The following CACNA2D3 variants were observed in gnomAD, a reference collection of about 807,000 sequenced individuals.
The protein encoded by CACNA2D3 is calcium voltage-gated channel auxiliary subunit alpha2delta 3.
A neutral mutation model predicts 160.6 loss-of-function variants in CACNA2D3; 60 were observed. That is an observed-to-expected ratio of 0.37 (90% CI 0.30 to 0.46). CACNA2D3 has a LOEUF of 0.46. CACNA2D3 is among the 20% of genes least tolerant of loss of function. The pLI, the probability that CACNA2D3 is intolerant of heterozygous loss-of-function variation, is 1.00. For missense variants in CACNA2D3, 1,205 were observed against 1,365.0 expected (o/e 0.88, Z 1.85); for synonymous variants, 558 against 492.9 (o/e 1.13, Z -1.75).
intron 18 of CACNA2D3, among the ~76,000 whole-genome samples, chr3:54,873,473 C>T (rs1196488730): frequency 6.6e-6 from 1 of 152,126 alleles, no homozygotes; most frequent in Non-Finnish European, 1.5e-5. Context: ...TGACTCAGCT[C>T]ACTCCAGTCA....
At chr3:54,243,666 C>T (rs1327024223) in intron 2 of CACNA2D3, among the ~76,000 whole-genome samples, 1 of 152,128 alleles carries the variant, frequency 6.6e-6, no homozygotes, top group African/African-American at 2.4e-5. Flanking sequence ...CAAAATGTCC[C>T]CTCCCTGCTA....
chr3:54,946,482 A>AAAGGAGGGGGGATGTGAGGG (rs1701617475), intron 27 of CACNA2D3, among the ~76,000 whole-genome samples: 1 of 152,184 alleles, frequency 6.6e-6, no homozygotes, highest in African/African-American at 2.4e-5. Context: ...GAAGAAAATG[A>AAAGGAGGGGGGATGTGAGGG]AAGGAGGGGG....
rs140928264 is a variant in CACNA2D3 at position 54,211,326 on chromosome 3, G to GTTGT, written c.204+87734_204+87737dup. On this transcript the variant is annotated intron_variant, in intron 2 of 37. Transcript: ENST00000474759. ...TGCACAGTAGGACATTGTGTGAATG[G>GTTGT]TTGTTATAATTTTAACCAGGTCCCT... Among the ~76,000 whole-genome samples the GTTGT allele has an allele frequency of 3.3e-3, 505 of 152,256 alleles. 3 individuals carry two copies. The highest frequency in any genetic ancestry group is 0.011 in the African/African-American group (457 of 41,530).
At chr3:54,763,699 ATATATG>A in intron 12 of CACNA2D3, among the ~76,000 whole-genome samples, 1 of 138,924 alleles carries the variant, frequency 7.2e-6, no homozygotes, top group Non-Finnish European at 1.6e-5. Context: ...GTATATATGT[ATATATG>A]TATATATATG....
chr3:54,307,758 T>C (rs1703646453), intron 2 of CACNA2D3, among the ~76,000 whole-genome samples: 1 of 152,232 alleles, frequency 6.6e-6, no homozygotes, highest in Admixed American at 6.5e-5. Flanking sequence ...GTTAGGGATC[T>C]TGCAGACTCA....
chr3:54,502,538 C>T (rs1239802443), intron 4 of CACNA2D3, among the ~76,000 whole-genome samples: 1 of 152,166 alleles, frequency 6.6e-6, no homozygotes. Context: ...CCGCTTTTTC[C>T]ATTAGCCTCT....
At chr3:54,482,690 T>C (rs142405883) in intron 4 of CACNA2D3, among the ~76,000 whole-genome samples, 1 of 152,302 alleles carries the variant, frequency 6.6e-6, no homozygotes, top group East Asian at 1.9e-4. Flanking sequence ...CATTGAAGTT[T>C]ATTTCTTGCT....
rs147524128 is a variant in CACNA2D3, at chr3:54,257,229, G to T, written c.205-63213G>T. ...TACTCTTATTGATGGATTGTTTTACGATGGTAGCCATCAGAGCAGTCCGTC... is the reference window on the plus strand; with the variant it reads ...TACTCTTATTGATGGATTGTTTTACTATGGTAGCCATCAGAGCAGTCCGTC... On this transcript the variant is annotated intron_variant, in intron 2 of 37. Transcript: ENST00000474759. 8.6e-3 allele frequency among the ~76,000 whole-genome samples: 1,312 copies of T among 152,226 alleles called. 15 individuals carry two copies. The highest frequency in any genetic ancestry group is 0.029 in the African/African-American group (1,200 of 41,554).
At chr3:54,362,411 G>A (rs1698758189) in intron 3 of CACNA2D3, among the ~76,000 whole-genome samples, 2 of 152,146 alleles carry the variant, frequency 1.3e-5, no homozygotes, top group South Asian at 4.1e-4. Context: ...GTGTGGCAGG[G>A]AATCAATGGC....
chr3:54,590,263 A>G (rs765536019), intron 9 of CACNA2D3, among the ~76,000 whole-genome samples: 2 of 152,200 alleles, frequency 1.3e-5, no homozygotes, highest in Non-Finnish European at 2.9e-5. Flanking sequence ...TACATCCAAG[A>G]ATGTAAATGA....
At chr3:54,292,150 C>G (rs1183436991) in intron 2 of CACNA2D3, among the ~76,000 whole-genome samples, 1 of 151,948 alleles carries the variant, frequency 6.6e-6, no homozygotes, top group East Asian at 1.9e-4. Context: ...CTACCTCATA[C>G]CATACACAAA....
At chr3:54,792,813 C>G (rs933794952) in intron 13 of CACNA2D3, among the ~76,000 whole-genome samples, 1 of 152,028 alleles carries the variant, frequency 6.6e-6, no homozygotes, top group African/African-American at 2.4e-5. Context: ...AGGCAGGAGT[C>G]GCGTGTCTAC....
chr3:54,390,889 G>T (rs1699267501), intron 4 of CACNA2D3, among the ~76,000 whole-genome samples: 1 of 151,956 alleles, frequency 6.6e-6, no homozygotes, highest in Non-Finnish European at 1.5e-5. Flanking sequence ...GCAGATAATT[G>T]TTTTTATCAA....
At chr3:54,821,684 C>CTT (rs1703601713) in intron 14 of CACNA2D3, among the ~76,000 whole-genome samples, 1 of 131,146 alleles carries the variant, frequency 7.6e-6, no homozygotes, top group Non-Finnish European at 1.6e-5. Context: ...TTCTTTCTTT[C>CTT]TTTCTTTCTT....
chr3:54,748,829 T>C (rs1701806255), intron 11 of CACNA2D3, among the ~76,000 whole-genome samples: 1 of 152,170 alleles, frequency 6.6e-6, no homozygotes, highest in African/African-American at 2.4e-5. Flanking sequence ...TACGTGGTGC[T>C]TCCTAGGGAA....
intron 29 of CACNA2D3, among the ~76,000 whole-genome samples, chr3:54,977,687 G>C (rs1702421681): frequency 6.6e-6 from 1 of 152,152 alleles, no homozygotes; most frequent in South Asian, 2.1e-4. Context: ...CTCAACAGAG[G>C]TTAGCCGCCC....
chr3:54,652,829 C>A (rs570648546), intron 11 of CACNA2D3, among the ~76,000 whole-genome samples: 2 of 139,108 alleles, frequency 1.4e-5, no homozygotes, highest in African/African-American at 5.3e-5. Context: ...GTCACCCGGG[C>A]TGGAGTGTAG....
At chr3:54,350,986 G>GTTTTTATT (rs1698548897) in intron 3 of CACNA2D3, among the ~76,000 whole-genome samples, 4 of 65,920 alleles carry the variant, frequency 6.1e-5, no homozygotes, top group Non-Finnish European at 9.0e-5. Context: ...TTTTTTGTTT[G>GTTTTTATT]TTTTTTTTTT....
At chr3:54,985,507 G>A (rs1702595474) in intron 30 of CACNA2D3, among the ~76,000 whole-genome samples, 1 of 152,192 alleles carries the variant, frequency 6.6e-6, no homozygotes, top group African/African-American at 2.4e-5. Context: ...TCTGATGTTA[G>A]CTCTCTTCCT....
Sources: gnomAD v4.1 joint callset for allele counts (sites outside exome capture counted in the v4.1 genomes callset) on GRCh38, gnomAD v4.1.1 for gene constraint, MANE v1.5 for transcripts, NCBI Gene and HGNC (gene_info 2026-07-23, HGNC 2026-07-21) for gene names.